AP3B1: variants seen among roughly 807,000 people sequenced by gnomAD.
AP3B1 encodes adaptor related protein complex 3 subunit beta 1, also known as AP-3 complex subunit beta-1.
AP3B1 carries 61 observed loss-of-function variants against 132.5 expected under a neutral mutation model. The ratio of observed to expected loss-of-function variants is 0.46; its 90% CI spans 0.37 to 0.57. AP3B1 has a LOEUF of 0.57. Ranked by LOEUF, AP3B1 falls within the 20% of genes least tolerant of loss-of-function variation. AP3B1 has a pLI of 0.00. For missense variants in AP3B1, 1,120 were observed against 1,289.4 expected (o/e 0.87, Z 2.01); for synonymous variants, 388 against 438.3 (o/e 0.89, Z 1.43).
In AP3B1 at chr5:78,129,305, T is replaced by C. The variant is rs764324746; in HGVS notation, c.1653A>G (p.Thr551=). The C allele has an allele frequency of 1.7e-5, 28 of 1,609,906 alleles. No homozygotes were observed. The highest frequency in any genetic ancestry group is 2.4e-5 in the Non-Finnish European group (28 of 1,176,512). The part of the protein sequence containing the change: ...AKLYLTNSKQ[T]KLLTQYILNL... The stretch of plus-strand genomic sequence containing the variant: ...TTAATATGTACTGGGTAAGCAATTT[T>C]GTCTGTTGGAAAAAAACAGATCAAG... Residue 551 remains threonine, a splice_region_variant and synonymous_variant, in exon 16 of 27, where the codon ACA becomes ACG. Transcript: ENST00000255194.
intron 8 of AP3B1, among the ~76,000 whole-genome samples, chr5:78,177,775 T>C (rs72776462): frequency 5.5e-4 from 83 of 151,760 alleles, no homozygotes; most frequent in African/African-American, 1.9e-3. Context: ...CATGTGAAGA[T>C]GGAGATAATT....
At chr5:78,140,093 G>C (rs1269377036) in intron 15 of AP3B1, among the ~76,000 whole-genome samples, 1 of 152,124 alleles carries the variant, frequency 6.6e-6, no homozygotes, top group African/African-American at 2.4e-5. Context: ...AAACAGGTAA[G>C]TCCACTCACA....
At chr5:78,273,063 A>ATG (rs1748618632) in intron 1 of AP3B1, among the ~76,000 whole-genome samples, 1 of 152,114 alleles carries the variant, frequency 6.6e-6, no homozygotes, top group Non-Finnish European at 1.5e-5. Flanking sequence ...ACACACAAGT[A>ATG]CTCTTAAGGG....
In AP3B1 at chr5:78,096,886, A is replaced by AGG. The variant is rs1200662022; in HGVS notation, c.2470+4065_2470+4066dup. On this transcript the variant is annotated intron_variant, in intron 21 of 26. Coordinates refer to ENST00000255194, the MANE Select transcript of AP3B1 (RefSeq NM_003664.5). ...CAGCCGCCCCGTCCGGGAGGGAGGT[A>AGG]GGGGGTCAGCCCCCCGCCCGGCCAG... Among the ~76,000 whole-genome samples, 26 of 123,446 alleles carry AGG rather than the reference A, an allele frequency of 2.1e-4. No individual in the cohort carries two copies. In the South Asian group the frequency reaches 2.6e-3, roughly 12 times the overall value. 81.0% of individuals were successfully genotyped at this position (123,446 alleles called of 152,430 possible). A position where few individuals can be genotyped will look rare whatever the true frequency, so the allele number is the denominator to read the frequency against.
At chr5:78,260,810 T>C (rs1484800698) in intron 2 of AP3B1, among the ~76,000 whole-genome samples, 4 of 152,190 alleles carry the variant, frequency 2.6e-5, no homozygotes, top group African/African-American at 9.7e-5. Context: ...CCACTTTTTG[T>C]CTCTATGAGT....
In AP3B1 at chr5:78,002,668, T is replaced by A; in HGVS notation, c.*234A>T. On this transcript the variant is annotated 3_prime_UTR_variant, in exon 27 of 27. Transcript: ENST00000255194. ...AGAAAACGCCACATGGATTCAAGAG[T>A]TGAGACAACTGACAGTAAAATATAT... The A allele has an allele frequency of 1.6e-6, 1 of 606,624 alleles. No homozygotes were observed. 37.6% of individuals were successfully genotyped at this position (606,624 alleles called of 1,614,324 possible). A position where few individuals can be genotyped will look rare whatever the true frequency, so the allele number is the denominator to read the frequency against.
intron 22 of AP3B1, among the ~76,000 whole-genome samples, chr5:78,065,351 T>G (rs919278726): frequency 6.6e-6 from 1 of 151,872 alleles, no homozygotes; most frequent in African/African-American, 2.4e-5. Context: ...CTAAGATGAC[T>G]GAGCTTTGGC....
intron 21 of AP3B1, 118 bp from the exon 22 acceptor site, chr5:78,089,617 A>C (rs1750425771): frequency 1.4e-6 from 1 of 737,320 alleles, no homozygotes; most frequent in African/African-American, 1.7e-5. Flanking sequence ...TAAATGTATG[A>C]CAATTCTATT....
At chr5:78,198,831 C>T (rs1285195679) in intron 7 of AP3B1, among the ~76,000 whole-genome samples, 1 of 152,118 alleles carries the variant, frequency 6.6e-6, no homozygotes, top group African/African-American at 2.4e-5. Context: ...GAAGAGAATA[C>T]ATTATTAGAG....
At chr5:78,286,808 C>G (rs1302866962) in intron 1 of AP3B1, among the ~76,000 whole-genome samples, 3 of 152,114 alleles carry the variant, frequency 2.0e-5, no homozygotes, top group African/African-American at 7.2e-5. Flanking sequence ...ATAAACTGTT[C>G]ACTTTTGTAG....
At chr5:78,253,674 T>G (rs1747730282) in intron 2 of AP3B1, among the ~76,000 whole-genome samples, 1 of 152,114 alleles carries the variant, frequency 6.6e-6, no homozygotes, top group Admixed American at 6.5e-5. Context: ...AATTAAGAAT[T>G]CTATCAGATA....
chr5:78,248,998 G>A (rs1449458466), intron 2 of AP3B1, among the ~76,000 whole-genome samples: 3 of 152,058 alleles, frequency 2.0e-5, no homozygotes, highest in Non-Finnish European at 4.4e-5. Context: ...TGATTACTGT[G>A]TTTATGCGTG....
At chr5:78,162,190 T>C (rs1049738875) in intron 13 of AP3B1, among the ~76,000 whole-genome samples, 4 of 152,280 alleles carry the variant, frequency 2.6e-5, no homozygotes, top group South Asian at 2.1e-4. Flanking sequence ...TTCAAAGCCT[T>C]ACCCATAGAA....
At chr5:78,077,059 TG>T (rs1394630877) in intron 22 of AP3B1, among the ~76,000 whole-genome samples, 3 of 152,226 alleles carry the variant, frequency 2.0e-5, no homozygotes, top group Admixed American at 2.0e-4. Context: ...CAACTTAGTC[TG>T]GAGGACTGTG....
At chr5:78,244,444 A>G (rs1747286540) in intron 2 of AP3B1, among the ~76,000 whole-genome samples, 1 of 152,114 alleles carries the variant, frequency 6.6e-6, no homozygotes, top group Non-Finnish European at 1.5e-5. Context: ...AAGGACTACA[A>G]ATGACTAACT....
chr5:78,248,005 G>A (rs12658931), intron 2 of AP3B1, among the ~76,000 whole-genome samples: 5,380 of 151,934 alleles, frequency 0.035, 166 homozygotes, highest in East Asian at 0.13. Flanking sequence ...CTGGTTCCTC[G>A]TAAAAATGCA....
At chr5:78,263,306 T>C (rs1748179011) in intron 2 of AP3B1, among the ~76,000 whole-genome samples, 1 of 152,220 alleles carries the variant, frequency 6.6e-6, no homozygotes, top group Non-Finnish European at 1.5e-5. Context: ...TTTCAAATTG[T>C]TCATTGTTAA....
chr5:78,164,994 G>A (rs1475326540), intron 12 of AP3B1, among the ~76,000 whole-genome samples: 1 of 152,136 alleles, frequency 6.6e-6, no homozygotes, highest in African/African-American at 2.4e-5. Flanking sequence ...GTTTTCTATT[G>A]CTGTGCTCTA....
intron 22 of AP3B1, chr5:78,044,086 C>A: frequency 3.1e-6 from 1 of 323,404 alleles, no homozygotes; most frequent in Non-Finnish European, 6.0e-6. Flanking sequence ...CAATATCTGC[C>A]TGAAAGGCAA....
Sources: gnomAD v4.1 joint callset for allele counts (sites outside exome capture counted in the v4.1 genomes callset) on GRCh38, gnomAD v4.1.1 for gene constraint, MANE v1.5 for transcripts, NCBI Gene and HGNC (gene_info 2026-07-23, HGNC 2026-07-21) for gene names.